CMC1: variants seen among roughly 807,000 people sequenced by gnomAD.
CMC1 encodes the protein C-X9-C motif containing 1.
A neutral mutation model predicts 14.1 loss-of-function variants in CMC1; 14 were observed. The ratio of observed to expected loss-of-function variants is 0.99; its 90% CI spans 0.66 to 1.55. CMC1 has a LOEUF of 1.55. Among genes scored for constraint, CMC1 ranks in the 40% most tolerant of loss-of-function variants. CMC1 has a pLI of 0.00. For missense variants in CMC1, 127 were observed against 123.8 expected (o/e 1.03, Z -0.12); for synonymous variants, 50 against 38.4 (o/e 1.30, Z -1.12).
chr3:28,295,297 G>A (rs1359307897), intron 2 of CMC1, among the ~76,000 whole-genome samples: 1 of 152,022 alleles, frequency 6.6e-6, no homozygotes, highest in Non-Finnish European at 1.5e-5. Context: ...TACCCATGTT[G>A]TGTTTAGGAA....
At chr3:28,261,334 C>A (rs570854378) in intron 1 of CMC1, among the ~76,000 whole-genome samples, 29 of 152,082 alleles carry the variant, frequency 1.9e-4, no homozygotes, top group Non-Finnish European at 3.7e-4. Flanking sequence ...TGAGTGTGGG[C>A]TATCCTTAAT....
At chr3:28,300,812 GT>G (rs1157673235) in intron 2 of CMC1, among the ~76,000 whole-genome samples, 1 of 148,352 alleles carries the variant, frequency 6.7e-6, no homozygotes, top group Non-Finnish European at 1.5e-5. Context: ...ATACAAATGT[GT>G]TTTTTTCAAT....
intron 2 of CMC1, among the ~76,000 whole-genome samples, chr3:28,275,360 A>T (rs1577025982): frequency 7.2e-5 from 8 of 111,846 alleles, no homozygotes; most frequent in East Asian, 2.5e-4. Flanking sequence ...TTTTTTTTAC[A>T]GCCGTCTTCT....
At position 28,266,941 on chromosome 3, in the gene CMC1, C is replaced by G. The variant is rs563946163; in HGVS notation, c.109+3561C>G. The stretch of plus-strand genomic sequence containing the variant: ...ATTGGGAATGGAACTGAAGGAAAAC[C>G]CTAGAATGGCCAAATCGCTTTCTTA... On this transcript the variant is annotated intron_variant, in intron 2 of 3. Coordinates refer to ENST00000466830, the MANE Select transcript of CMC1 (RefSeq NM_182523.2). Among the ~76,000 whole-genome samples the G allele has an allele frequency of 3.9e-5, 6 of 152,138 alleles. No individual in the cohort carries two copies. In the South Asian group the frequency reaches 1.2e-3, roughly 32 times the overall value.
Position 28,319,756 on chromosome 3 carries a change from T to C in CMC1, c.*127T>C, listed in dbSNP as rs1371367796. 1 of 796,596 alleles carries C rather than the reference T, an allele frequency of 1.3e-6. No individual in the cohort carries two copies. Among genetic ancestry groups the C allele is most frequent in the Non-Finnish European group, 1.9e-6 (1 of 538,318 alleles). 49.3% of individuals were successfully genotyped at this position (796,596 alleles called of 1,614,324 possible). ...ATGGAAATATTAACTTTATCTGAAA[T>C]AAATATTTTATTTCAAAGTTTTGGT... is the stretch of plus-strand genomic sequence containing the variant. On this transcript the variant is annotated 3_prime_UTR_variant, in exon 4 of 4. Transcript: ENST00000466830.
chr3:28,281,430 T>G (rs961322132), intron 2 of CMC1, among the ~76,000 whole-genome samples: 1 of 152,222 alleles, frequency 6.6e-6, no homozygotes, highest in African/African-American at 2.4e-5. Context: ...AAAGATTGAG[T>G]AGATAACTAG....
intron 2 of CMC1, among the ~76,000 whole-genome samples, chr3:28,313,877 G>A (rs1702761770): frequency 1.3e-5 from 2 of 152,204 alleles, no homozygotes; most frequent in Non-Finnish European, 2.9e-5. Context: ...GCTAACAGCC[G>A]TTGTGTCTGT....
At chr3:28,281,395 A>G (rs1376738890) in intron 2 of CMC1, among the ~76,000 whole-genome samples, 1 of 152,238 alleles carries the variant, frequency 6.6e-6, no homozygotes, top group African/African-American at 2.4e-5. Flanking sequence ...TAGGATTTAA[A>G]TATATTTCAT....
chr3:28,300,480 T>C (rs1701967827), intron 2 of CMC1, among the ~76,000 whole-genome samples: 1 of 152,052 alleles, frequency 6.6e-6, no homozygotes, highest in African/African-American at 2.4e-5. Flanking sequence ...ATGGCCTGCT[T>C]AGGAAAAAAT....
Position 28,248,304 on chromosome 3 carries a change from A to G in CMC1, c.19+6492A>G, listed in dbSNP as rs371345518. ...ATAAAAGGATAGGTCAGTTAATTTC[A>G]CCTAGATTATAGAAGATTGGCCACC... On this transcript the variant is annotated intron_variant, in intron 1 of 3. Transcript: ENST00000466830. Among the ~76,000 whole-genome samples, 4 of 152,306 alleles carry G rather than the reference A, an allele frequency of 2.6e-5. No individual in the cohort carries two copies. The East Asian group carries it at 5.8e-4, about 22-fold the overall frequency.
chr3:28,278,293 T>G (rs1417283732), intron 2 of CMC1, among the ~76,000 whole-genome samples: 3 of 152,218 alleles, frequency 2.0e-5, no homozygotes, highest in Non-Finnish European at 2.9e-5. Flanking sequence ...TTTTATTTTA[T>G]TATTGGTGGT....
At chr3:28,256,517 T>A (rs1482500647) in intron 1 of CMC1, among the ~76,000 whole-genome samples, 1 of 152,174 alleles carries the variant, frequency 6.6e-6, no homozygotes, top group Non-Finnish European at 1.5e-5. Flanking sequence ...AACTGGGGGC[T>A]ATAACCCAGC....
chr3:28,316,360 G>T lies in CMC1; in HGVS notation c.137G>T (p.Gly46Val), dbSNP rs1702918887. 2 of 1,583,440 alleles carry T rather than the reference G, an allele frequency of 1.3e-6. No individual in the cohort carries two copies. Among genetic ancestry groups the T allele is most frequent in the South Asian group, 2.3e-5 (2 of 85,464 alleles). ...TTTACCAAATGTTGCAAGAACTCTG[G>T]AGTTCTTATGGTAGTAAAATGCCGG... ...QDFTKCCKNS[G>V]VLMVVKCRKE... Residue 46 changes from glycine to valine, a missense_variant, in exon 3 of 4, where the codon GGA (glycine) becomes GTA (valine). By Grantham distance (109) the Gly-to-Val change is moderately radical. Transcript: ENST00000466830.
Position 28,324,087 on chromosome 3 carries a change from C to T in CMC1, c.*4458C>T, listed in dbSNP as rs1703286135. 4 of 1,609,772 alleles carry T rather than the reference C, an allele frequency of 2.5e-6. No homozygotes were observed. Among genetic ancestry groups the T allele is most frequent in the Non-Finnish European group, 2.5e-6 (3 of 1,177,114 alleles). The stretch of plus-strand genomic sequence containing the variant: ...TCTGATTATGTTGATCCAAGTAATG[C>T]AGTGGTGGAAGGTTGGGTAAAGGCA... On this transcript the variant is annotated 3_prime_UTR_variant, in exon 4 of 4. Transcript: ENST00000466830.
intron 2 of CMC1, among the ~76,000 whole-genome samples, chr3:28,311,451 A>G (rs1702635439): frequency 6.6e-6 from 1 of 152,228 alleles, no homozygotes; most frequent in African/African-American, 2.4e-5. Flanking sequence ...GCTGTTGGTT[A>G]TACAGAATAA....
At chr3:28,258,690 G>A (rs933147292) in intron 1 of CMC1, among the ~76,000 whole-genome samples, 2 of 142,932 alleles carry the variant, frequency 1.4e-5, no homozygotes, top group Non-Finnish European at 3.0e-5. Context: ...TGAGATCTCA[G>A]CTCACTGCAA....
chr3:28,285,672 A>G (rs538792083), intron 2 of CMC1, among the ~76,000 whole-genome samples: 1 of 151,798 alleles, frequency 6.6e-6, no homozygotes, highest in African/African-American at 2.4e-5. Context: ...CCCTACATCT[A>G]TACAAATAAA....
intron 1 of CMC1, among the ~76,000 whole-genome samples, chr3:28,253,088 A>G (rs766772632): frequency 6.6e-6 from 1 of 152,202 alleles, no homozygotes; most frequent in Non-Finnish European, 1.5e-5. Flanking sequence ...GCAAGAAGGT[A>G]TGAACAAACT....
At chr3:28,250,946 C>T (rs1699098586) in intron 1 of CMC1, among the ~76,000 whole-genome samples, 1 of 152,130 alleles carries the variant, frequency 6.6e-6, no homozygotes, top group Non-Finnish European at 1.5e-5. Flanking sequence ...TCTTAATATC[C>T]TCATTTTGGC....
Sources: gnomAD v4.1 joint callset for allele counts (sites outside exome capture counted in the v4.1 genomes callset) on GRCh38, gnomAD v4.1.1 for gene constraint, MANE v1.5 for transcripts, NCBI Gene and HGNC (gene_info 2026-07-23, HGNC 2026-07-21) for gene names.